The following DAB1 variants were observed in gnomAD, a reference collection of about 807,000 sequenced individuals.
The protein encoded by DAB1 is disabled homolog 1.
A neutral mutation model predicts 64.6 loss-of-function variants in DAB1; 15 were observed. That is an observed-to-expected ratio of 0.23 (90% CI 0.16 to 0.36). DAB1 has a LOEUF of 0.36. Among genes scored for constraint, DAB1 ranks in the 10% least tolerant of loss-of-function variants. DAB1 has a pLI of 1.00. For missense variants in DAB1, 596 were observed against 706.7 expected (o/e 0.84, Z 1.78); for synonymous variants, 235 against 251.9 (o/e 0.93, Z 0.64).
chr1:57,004,248 A>G (rs1003568287), intron 14 of DAB1, among the ~76,000 whole-genome samples: 3 of 152,190 alleles, frequency 2.0e-5, no homozygotes, highest in Admixed American at 6.5e-5. Flanking sequence ...GGCATGAAGT[A>G]TAAGGGCAAA....
Position 57,026,060 on chromosome 1 carries a change from G to T in DAB1, c.724-17C>A, listed in dbSNP as rs377089299. The T allele has an allele frequency of 2.5e-6, 4 of 1,596,582 alleles. No individual in the cohort carries two copies. In the South Asian group the frequency reaches 3.4e-5, roughly 14 times the overall value. ...GGTCACAGCCTGTAAAGACAAAAAG[G>T]TAATCATGTGACTACAAAGAAAGCT... On this transcript the variant is annotated splice_polypyrimidine_tract_variant and intron_variant, in intron 9 of 14. Coordinates refer to ENST00000371236, the MANE Select transcript of DAB1 (RefSeq NM_001365792.1).
intron 4 of DAB1, among the ~76,000 whole-genome samples, chr1:58,155,197 C>T (rs181768761): frequency 3.3e-4 from 51 of 152,334 alleles, no homozygotes; most frequent in Non-Finnish European, 4.7e-4. Flanking sequence ...GATTCAGCTG[C>T]TGCCAAGGGA....
intron 3 of DAB1, among the ~76,000 whole-genome samples, chr1:58,441,682 A>G (rs1203725921): frequency 6.6e-6 from 1 of 152,144 alleles, no homozygotes; most frequent in African/African-American, 2.4e-5. Flanking sequence ...TGGTTTTCCT[A>G]CCAGCGTGCA....
intron 9 of DAB1, among the ~76,000 whole-genome samples, chr1:57,037,251 A>C (rs986578446): frequency 6.6e-6 from 1 of 152,234 alleles, no homozygotes; most frequent in Non-Finnish European, 1.5e-5. Flanking sequence ...AGCTGCCTTG[A>C]TTGATTATGC....
intron 4 of DAB1, among the ~76,000 whole-genome samples, chr1:57,092,621 T>A (rs1393685687): frequency 7.0e-6 from 1 of 142,376 alleles, no homozygotes; most frequent in Non-Finnish European, 1.5e-5. Context: ...CTTTATAAAT[T>A]ACCCAGTCTT....
At chr1:57,098,831 TA>T (rs1243423012) in intron 4 of DAB1, among the ~76,000 whole-genome samples, 1 of 152,218 alleles carries the variant, frequency 6.6e-6, no homozygotes, top group East Asian at 1.9e-4. Context: ...GGGATGATAT[TA>T]TTTGAGAAAG....
At chr1:58,187,047 A>G (rs891316809) in intron 4 of DAB1, among the ~76,000 whole-genome samples, 4 of 152,200 alleles carry the variant, frequency 2.6e-5, no homozygotes, top group African/African-American at 9.6e-5. Context: ...TATTACTGCA[A>G]TCTGCCACTG....
At chr1:57,797,085 G>A (rs1447312420) in intron 6 of DAB1, among the ~76,000 whole-genome samples, 1 of 152,194 alleles carries the variant, frequency 6.6e-6, no homozygotes, top group Admixed American at 6.5e-5. Context: ...AAAACACGGT[G>A]CCATCAATAT....
chr1:57,224,552 T>G (rs1667117829), intron 2 of DAB1, among the ~76,000 whole-genome samples: 1 of 152,250 alleles, frequency 6.6e-6, no homozygotes, highest in African/African-American at 2.4e-5. Flanking sequence ...AAGGCTACTT[T>G]GAGTCAATGC....
At chr1:58,534,297 T>C (rs777645857) in intron 1 of DAB1, 3 of 862,380 alleles carry the variant, frequency 3.5e-6, no homozygotes, top group Non-Finnish European at 6.0e-6. Context: ...GGCATCTTTC[T>C]CAGTTAGCAT....
intron 7 of DAB1, among the ~76,000 whole-genome samples, chr1:57,618,539 A>G: frequency 6.6e-6 from 1 of 152,042 alleles, no homozygotes; most frequent in Non-Finnish European, 1.5e-5. Flanking sequence ...TTGCTTTTAC[A>G]TTTGAGAAGT....
chr1:57,161,471 C>A (rs1324329697), intron 2 of DAB1, among the ~76,000 whole-genome samples: 1 of 152,168 alleles, frequency 6.6e-6, no homozygotes, highest in Non-Finnish European at 1.5e-5. Flanking sequence ...CCACCAGAAC[C>A]AGGAGATGCA....
In DAB1 at chr1:57,731,814, AT is replaced by A. The variant is rs58216468; in HGVS notation, n.552-82150del. On this transcript the variant is annotated intron_variant and non_coding_transcript_variant, in intron 6 of 20. Transcript: ENST00000485760. ...AGTGAGATGCTGTCTCAAAAAAAAA[AT>A]AATAATAATAATTGATGAGTAAATA... Among the ~76,000 whole-genome samples, 730 of 143,430 alleles carry A rather than the reference AT, an allele frequency of 5.1e-3. 6 individuals are homozygous for A. The highest frequency in any genetic ancestry group is 0.021 in the East Asian group (106 of 4,938). 94.1% of individuals were successfully genotyped at this position (143,430 alleles called of 152,430 possible). A position where few individuals can be genotyped will look rare whatever the true frequency, so the allele number is the denominator to read the frequency against.
chr1:57,578,615 C>A (rs556389923), intron 7 of DAB1, among the ~76,000 whole-genome samples: 1 of 152,352 alleles, frequency 6.6e-6, no homozygotes, highest in Non-Finnish European at 1.5e-5. Flanking sequence ...TTCACTGACA[C>A]TTTGCAGGTG....
intron 5 of DAB1, among the ~76,000 whole-genome samples, chr1:58,133,011 G>A (rs1013774215): frequency 2.0e-5 from 3 of 152,136 alleles, no homozygotes; most frequent in African/African-American, 7.2e-5. Context: ...GGGCATATCT[G>A]TATTTACATA....
intron 5 of DAB1, among the ~76,000 whole-genome samples, chr1:57,935,792 T>G: frequency 6.6e-6 from 1 of 152,184 alleles, no homozygotes; most frequent in East Asian, 1.9e-4. Context: ...CCTAGACAGA[T>G]TCTTCCTGGA....
At chr1:57,111,015 T>C (rs964819980) in intron 4 of DAB1, among the ~76,000 whole-genome samples, 2 of 151,612 alleles carry the variant, frequency 1.3e-5, no homozygotes, top group African/African-American at 4.9e-5. Flanking sequence ...CAGAGAAGAA[T>C]ATGCTTAGAA....
chr1:57,919,546 A>G (rs1391408585), intron 5 of DAB1, among the ~76,000 whole-genome samples: 1 of 152,020 alleles, frequency 6.6e-6, no homozygotes, highest in Non-Finnish European at 1.5e-5. Context: ...AAGGGCATAG[A>G]CTCTAGGTCA....
At chr1:58,526,719 G>A (rs940623977) in intron 2 of DAB1, among the ~76,000 whole-genome samples, 9 of 151,918 alleles carry the variant, frequency 5.9e-5, no homozygotes, top group Admixed American at 2.6e-4. Flanking sequence ...GCTACAACAG[G>A]ATCAACCTAT....
Sources: allele counts gnomAD v4.1 joint callset (sites outside exome capture counted in the v4.1 genomes callset), GRCh38; gene constraint gnomAD v4.1.1; transcripts MANE v1.5; gene names NCBI Gene and HGNC (gene_info 2026-07-23, HGNC 2026-07-21).